Variants in CNTNAP2 observed in about 807,000 individuals in gnomAD.
CNTNAP2 encodes contactin-associated protein-like 2.
In CNTNAP2, 98 loss-of-function variants were observed where a neutral mutation model predicts 155.2. The ratio of observed to expected loss-of-function variants is 0.63; its 90% CI spans 0.54 to 0.75. The LOEUF is 0.75. Among genes scored for constraint, CNTNAP2 ranks in the 30% least tolerant of loss-of-function variants. The pLI, the probability that CNTNAP2 is intolerant of heterozygous loss-of-function variation, is 0.00. For missense variants in CNTNAP2, 1,727 were observed against 1,688.1 expected (o/e 1.02, Z -0.40); for synonymous variants, 651 against 631.2 (o/e 1.03, Z -0.47).
At chr7:147,199,486 A>G (rs1584788132) in intron 8 of CNTNAP2, among the ~76,000 whole-genome samples, 1 of 152,324 alleles carries the variant, frequency 6.6e-6, no homozygotes, top group Admixed American at 6.5e-5. Flanking sequence ...AAACTCATTT[A>G]GTAATTATTC....
intron 15 of CNTNAP2, among the ~76,000 whole-genome samples, chr7:148,115,408 G>T (rs1028344787): frequency 2.0e-5 from 3 of 152,142 alleles, no homozygotes. Context: ...AATGTTAATT[G>T]CATTCGTATC....
At chr7:147,560,035 G>A (rs1800029699) in intron 11 of CNTNAP2, among the ~76,000 whole-genome samples, 1 of 151,862 alleles carries the variant, frequency 6.6e-6, no homozygotes, top group Non-Finnish European at 1.5e-5. Context: ...GGGCATGGTG[G>A]CGGATGCCTG....
At chr7:146,679,580 C>T (rs187283429) in intron 1 of CNTNAP2, among the ~76,000 whole-genome samples, 16 of 152,130 alleles carry the variant, frequency 1.1e-4, no homozygotes, top group Admixed American at 2.6e-4. Flanking sequence ...TGGTCTCGAA[C>T]GCCTGACCTC....
chr7:147,342,275 G>A (rs1051157465), intron 9 of CNTNAP2, among the ~76,000 whole-genome samples: 1 of 152,096 alleles, frequency 6.6e-6, no homozygotes, highest in African/African-American at 2.4e-5. Flanking sequence ...TGCAATATTT[G>A]CTAACTTATA....
intron 3 of CNTNAP2, among the ~76,000 whole-genome samples, chr7:146,923,587 C>A (rs1193106777): frequency 1.3e-5 from 2 of 152,136 alleles, no homozygotes; most frequent in Non-Finnish European, 1.5e-5. Flanking sequence ...GAATTCCCTT[C>A]AAGGGAGAAA....
rs540091668 is a variant in CNTNAP2 at position 146,588,909 on chromosome 7, TATA to T, written c.98-185358_98-185356del. 7.2e-3 allele frequency among the ~76,000 whole-genome samples: 1,092 copies of T among 152,292 alleles called. 9 individuals are homozygous for T. The highest frequency in any genetic ancestry group is 0.02 in the Middle Eastern group (6 of 294). On this transcript the variant is annotated intron_variant, in intron 1 of 23. Coordinates refer to ENST00000361727, the MANE Select transcript of CNTNAP2 (RefSeq NM_014141.6). ...GATCTGATATATTTTAGCTGCTGTC[TATA>T]ATATTTGGAAAGGATCTGCAATATT...
intron 1 of CNTNAP2, among the ~76,000 whole-genome samples, chr7:146,575,893 G>A (rs1270253288): frequency 2.0e-5 from 3 of 152,152 alleles, no homozygotes; most frequent in African/African-American, 7.2e-5. Context: ...CTACCGAAAG[G>A]CTTACGAAAA....
At chr7:148,235,976 C>T (rs969596467) in intron 20 of CNTNAP2, among the ~76,000 whole-genome samples, 7 of 147,954 alleles carry the variant, frequency 4.7e-5, no homozygotes, top group African/African-American at 9.7e-5. Context: ...TGAGCCACCG[C>T]GCCTGGCTAC....
Position 148,055,073 on chromosome 7 carries a change from C to T in CNTNAP2, c.2384-63045C>T, listed in dbSNP as rs146010033. On this transcript the variant is annotated intron_variant, in intron 15 of 23. Coordinates refer to ENST00000361727, the MANE Select transcript of CNTNAP2 (RefSeq NM_014141.6). Reference sequence around the variant, plus strand: ...AATTTTTTTGTATTTTTAGTAGAGACGGGTTTTACCATGTTGGCCAGGTTG... The same window carrying T: ...AATTTTTTTGTATTTTTAGTAGAGATGGGTTTTACCATGTTGGCCAGGTTG... Among the ~76,000 whole-genome samples, 159 of 151,726 alleles carry T rather than the reference C, an allele frequency of 1.0e-3. 1 individual carries two copies. The East Asian group carries it at 0.02, about 19-fold the overall frequency.
In CNTNAP2 at chr7:147,868,217, G is replaced by A. The variant is rs552788098; in HGVS notation, c.2099-35348G>A. 1.8e-4 allele frequency among the ~76,000 whole-genome samples: 28 copies of A among 152,294 alleles called. 1 individual carries two copies. The highest frequency in any genetic ancestry group is 5.8e-4 in the African/African-American group (24 of 41,568). ...CTAATAGTCAGGTCCCTCAGCTGCA[G>A]TTCTGTTGGAGTTTGCTGGTGGTCC... On this transcript the variant is annotated intron_variant, in intron 13 of 23. Coordinates refer to ENST00000361727, the MANE Select transcript of CNTNAP2 (RefSeq NM_014141.6).
At chr7:146,615,475 T>G (rs1355818428) in intron 1 of CNTNAP2, among the ~76,000 whole-genome samples, 1 of 152,206 alleles carries the variant, frequency 6.6e-6, no homozygotes, top group Admixed American at 6.5e-5. Flanking sequence ...CTTCTGTGTT[T>G]CAGAGGAAAA....
intron 1 of CNTNAP2, among the ~76,000 whole-genome samples, chr7:146,305,245 G>A (rs61227151): frequency 0.14 from 21,794 of 152,002 alleles, 4,076 homozygotes; most frequent in African/African-American, 0.43. Context: ...GAAGTTTGTT[G>A]TTGCCAGTCG....
intron 13 of CNTNAP2, among the ~76,000 whole-genome samples, chr7:147,680,994 T>C (rs752582708): frequency 7.9e-5 from 12 of 151,742 alleles, no homozygotes; most frequent in East Asian, 7.7e-4. Context: ...ATATTTAACA[T>C]TAGAATATTT....
At chr7:147,953,195 TTTTA>T (rs1435404799) in intron 14 of CNTNAP2, among the ~76,000 whole-genome samples, 2 of 152,184 alleles carry the variant, frequency 1.3e-5, no homozygotes, top group African/African-American at 2.4e-5. Context: ...TTGTGCTAAG[TTTTA>T]TTTGTGTGTT....
intron 17 of CNTNAP2, among the ~76,000 whole-genome samples, chr7:148,149,162 C>A (rs955539539): frequency 2.6e-4 from 40 of 152,206 alleles, no homozygotes; most frequent in African/African-American, 9.1e-4. Flanking sequence ...GTTTTTTTGA[C>A]CCTGCCCCTG....
At chr7:146,549,064 T>A (rs990600751) in intron 1 of CNTNAP2, among the ~76,000 whole-genome samples, 2 of 151,804 alleles carry the variant, frequency 1.3e-5, no homozygotes, top group African/African-American at 4.8e-5. Context: ...TTTCCTTTTT[T>A]TTTTTTTGCA....
intron 8 of CNTNAP2, among the ~76,000 whole-genome samples, chr7:147,199,548 G>A (rs973375112): frequency 6.6e-6 from 1 of 151,480 alleles, no homozygotes; most frequent in African/African-American, 2.4e-5. Flanking sequence ...TACATTATGT[G>A]CCTTCTCTTC....
In CNTNAP2 at chr7:148,395,278, G is replaced by C. The variant is rs369907338; in HGVS notation, c.3715+11390G>C. Among the ~76,000 whole-genome samples, 5 of 149,102 alleles carry C rather than the reference G, an allele frequency of 3.4e-5. No homozygotes were observed. In the South Asian group the frequency reaches 1.1e-3, roughly 33 times the overall value. Reference sequence around the variant, plus strand: ...TCTAACTTTCTAATTTGAATGTTTGGCTCTCTCTCTTATTTTCCTTCTTGG... The same window carrying C: ...TCTAACTTTCTAATTTGAATGTTTGCCTCTCTCTCTTATTTTCCTTCTTGG... On this transcript the variant is annotated intron_variant, in intron 22 of 23. Transcript: ENST00000361727.
At chr7:148,140,053 A>G in intron 16 of CNTNAP2, among the ~76,000 whole-genome samples, 1 of 152,206 alleles carries the variant, frequency 6.6e-6, no homozygotes, top group East Asian at 1.9e-4. Context: ...TGCTATACTC[A>G]TGCTGCATTA....
Sources: allele counts gnomAD v4.1 joint callset (sites outside exome capture counted in the v4.1 genomes callset), GRCh38; gene constraint gnomAD v4.1.1; transcripts MANE v1.5; gene names NCBI Gene and HGNC (gene_info 2026-07-23, HGNC 2026-07-21).